Variants in ZFX observed in about 807,000 individuals in gnomAD.
The protein encoded by ZFX is zinc finger protein X-linked, also known as zinc finger X-chromosomal protein.
For synonymous variants in ZFX, 196 were observed against 226.8 expected, an observed-to-expected ratio of 0.86 and a Z score of 1.22; for missense variants, 362 against 628.3, an observed-to-expected ratio of 0.58 and a Z score of 4.53.
intron 5 of ZFX, among the ~76,000 whole-genome samples, chrX:24,199,463 C>G (rs779269486): frequency 1.8e-5 from 2 of 109,911 alleles, no homozygotes; most frequent in South Asian, 8.0e-4. Context: ...GCTGTGTTGC[C>G]CAGGCTGGTC....
chrX:24,183,658 CAA>C (rs913083631), intron 5 of ZFX, among the ~76,000 whole-genome samples: 3 of 110,355 alleles, frequency 2.7e-5, no homozygotes, highest in African/African-American at 9.9e-5. Context: ...ATTTCAGGCA[CAA>C]AATTGTTTTA....
intron 7 of ZFX, 98 bp from the exon 8 acceptor site, chrX:24,208,120 A>G (rs761785058): frequency 8.6e-5 from 91 of 1,064,298 alleles, no homozygotes; most frequent in Non-Finnish European, 1.1e-4. Context: ...TATTTGGACC[A>G]TCTTTCCATT....
In ZFX at chrX:24,214,999, A is replaced by G. The variant is rs372884758; in HGVS notation, c.*3623A>G. ...GAGTCAAAAGAGATAGAGTTGTGCC[A>G]TCTTTGATTTTATAGACAAGATTCT... On this transcript the variant is annotated 3_prime_UTR_variant, in exon 10 of 10. Transcript: ENST00000304543. 23 of 112,055 alleles carry G rather than the reference A, an allele frequency of 2.1e-4. No homozygotes were observed. The East Asian group carries it at 6.1e-3, about 30-fold the overall frequency. 9.2% of individuals were successfully genotyped at this position (112,055 alleles called of 1,213,427 possible).
At chrX:24,179,818 C>T in intron 5 of ZFX, 48 bp downstream of exon 5, 3 of 1,096,456 alleles carry the variant, frequency 2.7e-6, no homozygotes, top group Non-Finnish European at 3.7e-6. Flanking sequence ...TGTAGGCTGC[C>T]TCTTCTAATT....
In ZFX at chrX:24,195,135, A is replaced by G. The variant is rs191321658; in HGVS notation, c.647-12191A>G. 3.0e-4 allele frequency among the ~76,000 whole-genome samples: 34 copies of G among 111,709 alleles called. No individual in the cohort carries two copies. The East Asian group carries it at 9.0e-3, about 29-fold the overall frequency. Reference sequence around the variant, plus strand: ...CCAATGACATTACGTGAGGACTTACACTGTACTTCTCTTTCAGCTATTTCT... The same window carrying G: ...CCAATGACATTACGTGAGGACTTACGCTGTACTTCTCTTTCAGCTATTTCT... On this transcript the variant is annotated intron_variant, in intron 5 of 9. Transcript: ENST00000304543.
At chrX:24,196,517 T>C (rs1490017533) in intron 5 of ZFX, among the ~76,000 whole-genome samples, 1 of 112,826 alleles carries the variant, frequency 8.9e-6, no homozygotes, top group African/African-American at 3.2e-5. Flanking sequence ...AGCATAACCA[T>C]TGATCACTTT....
Position 24,199,162 on chromosome X carries a change from C to T in ZFX, c.647-8164C>T, listed in dbSNP as rs147165399. On this transcript the variant is annotated intron_variant, in intron 5 of 9. Transcript: ENST00000304543. ...AGAGTGAGCATCTGTCAGATGCTGC[C>T]GCTGCAAGTCACACGAGGGCTGAGA... Among the ~76,000 whole-genome samples, 593 of 111,281 alleles carry T rather than the reference C, an allele frequency of 5.3e-3. 4 individuals carry two copies. The highest frequency in any genetic ancestry group is 0.017 in the African/African-American group (534 of 30,597).
chrX:24,170,068 G>C (rs1417596082), intron 3 of ZFX, among the ~76,000 whole-genome samples: 1 of 111,178 alleles, frequency 9.0e-6, no homozygotes, highest in Non-Finnish European at 1.9e-5. Context: ...AAATTTGTGC[G>C]GTGAGGGGCT....
At chrX:24,207,016 G>A (rs1324568894) in intron 5 of ZFX, 2 of 191,208 alleles carry the variant, frequency 1.0e-5, no homozygotes, top group African/African-American at 3.1e-5. Context: ...GGCAGATCAC[G>A]AGGTCAGGAG....
intron 3 of ZFX, among the ~76,000 whole-genome samples, chrX:24,153,523 C>A (rs1474820587): frequency 1.8e-5 from 2 of 111,418 alleles, no homozygotes; most frequent in African/African-American, 6.5e-5. Flanking sequence ...GCTCATCTTA[C>A]AAAAGCCTCA....
intron 4 of ZFX, among the ~76,000 whole-genome samples, chrX:24,177,442 C>T (rs1367163538): frequency 9.0e-6 from 1 of 110,744 alleles, no homozygotes; most frequent in African/African-American, 3.3e-5. Context: ...AACTATGTTC[C>T]GAGGAACTGC....
chrX:24,151,477 A>G (rs1932121253), intron 1 of ZFX: 1 of 111,577 alleles, frequency 9.0e-6, no homozygotes, highest in Admixed American at 9.5e-5. Context: ...CTTCTTCAGT[A>G]AACAGTAAGT....
intron 5 of ZFX, among the ~76,000 whole-genome samples, chrX:24,180,347 A>C (rs904871427): frequency 9.1e-6 from 1 of 109,773 alleles, no homozygotes; most frequent in African/African-American, 3.3e-5. Context: ...AAAGGAGTTC[A>C]ACTTGGAAAA....
chrX:24,172,672 T>G, intron 3 of ZFX, 43 bp from the exon 4 acceptor site: 2 of 999,696 alleles, frequency 2.0e-6, no homozygotes, highest in Non-Finnish European at 2.7e-6. Flanking sequence ...ATACCTGATA[T>G]GAAAAAACTA....
chrX:24,163,821 C>T (rs1326443137), intron 3 of ZFX, among the ~76,000 whole-genome samples: 2 of 88,745 alleles, frequency 2.3e-5, no homozygotes, highest in East Asian at 7.4e-4. Context: ...TGTGCCCAGG[C>T]CCCCTCTTTT....
intron 5 of ZFX, among the ~76,000 whole-genome samples, chrX:24,206,999 T>C (rs1337340272): frequency 3.6e-5 from 4 of 110,421 alleles, no homozygotes; most frequent in Non-Finnish European, 7.6e-5. Context: ...TTTGGGAGGC[T>C]GAGGTGGGCA....
intron 3 of ZFX, among the ~76,000 whole-genome samples, chrX:24,172,192 G>A (rs1257146667): frequency 8.9e-6 from 1 of 111,986 alleles, no homozygotes; most frequent in Non-Finnish European, 1.9e-5. Context: ...TTTTATCATT[G>A]TGTAATCTAC....
intron 5 of ZFX, among the ~76,000 whole-genome samples, chrX:24,196,174 G>A (rs1936907057): frequency 9.0e-6 from 1 of 111,363 alleles, no homozygotes; most frequent in African/African-American, 3.3e-5. Flanking sequence ...GTGCAGTGGC[G>A]TGATCTCAGC....
rs1165650830 is a variant in ZFX, at chrX:24,213,932, TAAAG to T, written c.*2559_*2562del. 1.2e-4 allele frequency: 13 copies of T among 111,142 alleles called. No homozygotes were observed. Among genetic ancestry groups the T allele is most frequent in the Admixed American group, 3.9e-4 (4 of 10,376 alleles). 9.2% of individuals were successfully genotyped at this position (111,142 alleles called of 1,213,427 possible). A position where few individuals can be genotyped will look rare whatever the true frequency, so the allele number is the denominator to read the frequency against. On this transcript the variant is annotated 3_prime_UTR_variant, in exon 10 of 10. Coordinates refer to ENST00000304543, the MANE Select transcript of ZFX (RefSeq NM_003410.4). ...ATATTTTTTTAAATAAACTGAAAGA[TAAAG>T]AACACAACACTTCACACATTTTATA...
Sources: gnomAD v4.1 joint callset for allele counts (sites outside exome capture counted in the v4.1 genomes callset) on GRCh38, gnomAD v4.1.1 for gene constraint, MANE v1.5 for transcripts, NCBI Gene and HGNC (gene_info 2026-07-23, HGNC 2026-07-21) for gene names.